RYR2: variants seen among roughly 807,000 people sequenced by gnomAD.
RYR2 encodes cardiac muscle ryanodine receptor-calcium release channel.
A neutral mutation model predicts 601.1 loss-of-function variants in RYR2; 227 were observed. The ratio of observed to expected loss-of-function variants is 0.38; its 90% CI spans 0.34 to 0.42. The LOEUF (loss-of-function observed/expected upper bound fraction) is 0.42, where lower values mean the gene tolerates loss of function less well. RYR2 is among the 10% of genes least tolerant of loss of function. The probability of loss-of-function intolerance (pLI) is 1.00; values close to 1 mark genes in which losing one functional copy is unlikely to be tolerated. For synonymous variants in RYR2, 2,223 were observed against 2,175.1 expected (o/e 1.02, Z -0.61); for missense variants, 4,646 against 6,156.5 (o/e 0.75, Z 8.21).
At chr1:237,542,293 A>G (rs915517786) in intron 25 of RYR2, among the ~76,000 whole-genome samples, 2 of 151,924 alleles carry the variant, frequency 1.3e-5, no homozygotes, top group Non-Finnish European at 2.9e-5. Flanking sequence ...GGGTTTCTCC[A>G]TGTTGGTCAG....
intron 60 of RYR2, among the ~76,000 whole-genome samples, chr1:237,676,256 A>G (rs1014816336): frequency 2.0e-5 from 3 of 152,180 alleles, no homozygotes; most frequent in Admixed American, 6.5e-5. Context: ...TTACTTTCAC[A>G]TTGGAGAACA....
At chr1:237,506,031 T>C (rs1665187895) in intron 22 of RYR2, among the ~76,000 whole-genome samples, 1 of 152,168 alleles carries the variant, frequency 6.6e-6, no homozygotes, top group African/African-American at 2.4e-5. Flanking sequence ...CTGAATTGCC[T>C]TTACTCTGGC....
chr1:237,495,240 G>A (rs1340588034), intron 19 of RYR2, among the ~76,000 whole-genome samples: 14 of 152,252 alleles, frequency 9.2e-5, no homozygotes, highest in Admixed American at 7.2e-4. Context: ...GATAAATGGA[G>A]GATGAGCAAG....
chr1:237,159,074 C>T (rs1675713295), intron 1 of RYR2, among the ~76,000 whole-genome samples: 1 of 152,120 alleles, frequency 6.6e-6, no homozygotes, highest in Admixed American at 6.5e-5. Context: ...GGGCGGATCA[C>T]CTGAGGTCAG....
At chr1:237,683,967 G>A (rs1173278244) in intron 62 of RYR2, among the ~76,000 whole-genome samples, 12 of 151,938 alleles carry the variant, frequency 7.9e-5, no homozygotes, top group Admixed American at 4.6e-4. Context: ...TCACTCTGTC[G>A]CCCAGGCTGG....
At chr1:237,166,856 G>T (rs992871972) in intron 1 of RYR2, among the ~76,000 whole-genome samples, 16 of 152,162 alleles carry the variant, frequency 1.1e-4, no homozygotes, top group African/African-American at 3.9e-4. Flanking sequence ...AGGGTTTCAG[G>T]TTCAATCTCT....
intron 86 of RYR2, 79 bp downstream of exon 86, chr1:237,772,179 G>T (rs1396893259): frequency 7.8e-6 from 6 of 769,124 alleles, no homozygotes; most frequent in Non-Finnish European, 1.3e-5. Context: ...AATGTGTTTT[G>T]GTTTATAACT....
At chr1:237,271,362 T>C (rs1572427233) in intron 2 of RYR2, among the ~76,000 whole-genome samples, 1 of 152,318 alleles carries the variant, frequency 6.6e-6, no homozygotes, top group Non-Finnish European at 1.5e-5. Context: ...TGGTTCATAA[T>C]ATCAGCATAG....
intron 10 of RYR2, among the ~76,000 whole-genome samples, chr1:237,399,188 C>G (rs370420959): frequency 5.9e-4 from 80 of 134,864 alleles, no homozygotes; most frequent in African/African-American, 1.7e-3. Flanking sequence ...GAGTGAGTCT[C>G]TGTCTCAAAA....
intron 14 of RYR2, among the ~76,000 whole-genome samples, chr1:237,448,330 A>T (rs373349282): frequency 6.6e-6 from 1 of 152,208 alleles, no homozygotes; most frequent in African/African-American, 2.4e-5. Context: ...TCTGTTACTA[A>T]TTTCTAATTT....
At chr1:237,233,081 A>G (rs1408763680) in intron 1 of RYR2, among the ~76,000 whole-genome samples, 1 of 152,202 alleles carries the variant, frequency 6.6e-6, no homozygotes, top group Non-Finnish European at 1.5e-5. Flanking sequence ...GAACGATAGG[A>G]TATAGAAGGA....
At chr1:237,268,990 A>G (rs1417942523) in intron 1 of RYR2, among the ~76,000 whole-genome samples, 1 of 148,778 alleles carries the variant, frequency 6.7e-6, no homozygotes, top group Non-Finnish European at 1.5e-5. Context: ...AAGCATTACC[A>G]GGATTTTAAA....
intron 13 of RYR2, among the ~76,000 whole-genome samples, chr1:237,442,614 T>C (rs924397331): frequency 2.0e-5 from 3 of 152,332 alleles, no homozygotes; most frequent in African/African-American, 7.2e-5. Flanking sequence ...TCAAAATTCA[T>C]GCACTTATTT....
At position 237,667,962 on chromosome 1, in the gene RYR2, A is replaced by G. The variant is rs778964264; in HGVS notation, c.8590+4A>G. ...AAAATGGAGTTGGAGTCCAAAGGTA[A>G]TATTTTCTAAAAACGTTTATTAAAA... On this transcript the variant is annotated splice_donor_region_variant and intron_variant, in intron 58 of 104. Transcript: ENST00000366574. 1.7e-5 allele frequency: 26 copies of G among 1,556,002 alleles called. No individual in the cohort carries two copies. The African/African-American group carries it at 3.1e-4, about 19-fold the overall frequency.
chr1:237,714,922 G>C (rs1195134125), intron 71 of RYR2, among the ~76,000 whole-genome samples: 1 of 143,078 alleles, frequency 7.0e-6, no homozygotes, highest in Non-Finnish European at 1.5e-5. Flanking sequence ...GAACCCAGGA[G>C]ATGGAGACTG....
rs371088367 is a variant in RYR2 at position 237,649,906 on chromosome 1, G to A, written c.7542G>A (p.Leu2514=). The change falls in exon 50 of 105, where the codon TTG becomes TTA. Residue 2514 remains leucine (L), a synonymous_variant. Coordinates refer to ENST00000366574, the MANE Select transcript of RYR2 (RefSeq NM_001035.3). ...TAALSATDMA[L]ALNRYLCTAV... is the part of the protein sequence containing the mutation. ...CTTTGAGTGCTACAGACATGGCCTT[G>A]GCCCTCAATCGGTACCTTTGCACAG... 371 of 1,613,676 alleles carry A rather than the reference G, an allele frequency of 2.3e-4. 1 individual carries two copies. The highest frequency in any genetic ancestry group is 1.3e-3 in the South Asian group (115 of 91,070).
At chr1:237,385,305 A>T (rs1701881204) in intron 8 of RYR2, among the ~76,000 whole-genome samples, 1 of 152,296 alleles carries the variant, frequency 6.6e-6, no homozygotes, top group East Asian at 1.9e-4. Context: ...AAATACACAA[A>T]ATGCTGTACC....
chr1:237,331,533 G>T (rs554682929), intron 3 of RYR2, among the ~76,000 whole-genome samples: 9 of 147,762 alleles, frequency 6.1e-5, no homozygotes, highest in Admixed American at 6.6e-5. Context: ...GATGGAGTCT[G>T]GCTCTGTCAC....
chr1:237,305,358 C>T (rs1693767400), intron 2 of RYR2, among the ~76,000 whole-genome samples: 1 of 152,136 alleles, frequency 6.6e-6, no homozygotes, highest in Admixed American at 6.5e-5. Flanking sequence ...TATTGCATCA[C>T]CAAAAGAATT....
Sources: gnomAD v4.1 joint callset for allele counts (sites outside exome capture counted in the v4.1 genomes callset) on GRCh38, gnomAD v4.1.1 for gene constraint, MANE v1.5 for transcripts, NCBI Gene and HGNC (gene_info 2026-07-23, HGNC 2026-07-21) for gene names.